The following CDH18 variants were observed in gnomAD, a reference collection of about 807,000 sequenced individuals.
The protein encoded by CDH18 is cadherin-18.
A neutral mutation model predicts 67.9 loss-of-function variants in CDH18; 31 were observed. The observed-to-expected ratio is 0.46, with a 90% confidence interval of 0.34 to 0.62. The LOEUF (loss-of-function observed/expected upper bound fraction) is 0.62, where lower values mean the gene tolerates loss of function less well. Ranked by LOEUF, CDH18 falls within the 20% of genes least tolerant of loss-of-function variation. The probability of loss-of-function intolerance (pLI) is 0.01; values close to 1 mark genes in which losing one functional copy is unlikely to be tolerated. For missense variants in CDH18, 890 were observed against 975.5 expected (o/e 0.91, Z 1.17); for synonymous variants, 362 against 347.2 (o/e 1.04, Z -0.48).
Position 19,950,031 on chromosome 5 carries a change from A to G in CDH18, c.-257+31029T>C, listed in dbSNP as rs1018006838. ...ATCTCACATTGGTATACTACTAAAT[A>G]TCACATTGAATAAATATGAGATATA... is the stretch of plus-strand genomic sequence containing the variant. On this transcript the variant is annotated intron_variant, in intron 2 of 12. Coordinates refer to ENST00000382275, the MANE Select transcript of CDH18 (RefSeq NM_004934.5). Among the ~76,000 whole-genome samples, 16 of 151,374 alleles carry G rather than the reference A, an allele frequency of 1.1e-4. No homozygotes were observed. The East Asian group carries it at 3.1e-3, about 29-fold the overall frequency.
chr5:20,500,019 C>A (rs770205259), intron 1 of CDH18, among the ~76,000 whole-genome samples: 2 of 152,020 alleles, frequency 1.3e-5, no homozygotes, highest in East Asian at 1.9e-4. Flanking sequence ...TGTCACAGAC[C>A]ATTGTAGATA....
At chr5:20,025,108 T>C (rs1738777958) in intron 2 of CDH18, among the ~76,000 whole-genome samples, 1 of 152,222 alleles carries the variant, frequency 6.6e-6, no homozygotes, top group African/African-American at 2.4e-5. Flanking sequence ...TCTGATCAGT[T>C]ATCTGACAAG....
In CDH18 at chr5:19,487,262, A is replaced by C. The variant is rs144694025; in HGVS notation, c.1631-3710T>G. ...ATAGATAGATTAGATAGACAAATAT[A>C]GACATATAGCCATAAGTCTACAGAG... On this transcript the variant is annotated intron_variant, in intron 11 of 12. Coordinates refer to ENST00000382275, the MANE Select transcript of CDH18 (RefSeq NM_004934.5). Among the ~76,000 whole-genome samples the C allele has an allele frequency of 8.0e-4, 122 of 152,342 alleles. 1 individual carries two copies. In the Middle Eastern group the frequency reaches 0.01, roughly 13 times the overall value.
rs1364179852 is a variant in CDH18, at chr5:19,994,734, TATATAGAGAGAGAG to T, written c.-517-2734_-517-2721del. ...ATATATATATATATATATATATATA[TATATAGAGAGAGAG>T]AGAGAGAGAGAGAGAGAGAGAGAGA... On this transcript the variant is annotated intron_variant, in intron 2 of 14. Coordinates refer to the CDH18 transcript ENST00000507958. Among the ~76,000 whole-genome samples the T allele has an allele frequency of 5.1e-3, 50 of 9,898 alleles. 1 individual carries two copies. Among genetic ancestry groups the T allele is most frequent in the Admixed American group, 0.02 (10 of 506 alleles). The allele number at this position is 9,898 out of a possible 152,430, so 6.5% of individuals were successfully genotyped here. A position where few individuals can be genotyped will look rare whatever the true frequency, so the allele number is the denominator to read the frequency against.
intron 2 of CDH18, among the ~76,000 whole-genome samples, chr5:20,011,837 T>G (rs1365942086): frequency 1.3e-5 from 2 of 152,064 alleles, no homozygotes; most frequent in African/African-American, 4.8e-5. Context: ...TGATGAGGGC[T>G]GGATTCGTAT....
chr5:20,112,928 A>G (rs930660488), intron 2 of CDH18, among the ~76,000 whole-genome samples: 1 of 152,324 alleles, frequency 6.6e-6, no homozygotes, highest in South Asian at 2.1e-4. Context: ...TTTCCCCAAC[A>G]CTGAGAACCT....
intron 3 of CDH18, among the ~76,000 whole-genome samples, chr5:19,752,645 A>AT (rs1405064961): frequency 1.3e-5 from 2 of 152,088 alleles, no homozygotes; most frequent in Non-Finnish European, 1.5e-5. Flanking sequence ...CTAGGGCCCC[A>AT]CCTGCCATGG....
intron 5 of CDH18, among the ~76,000 whole-genome samples, chr5:19,645,718 T>G (rs190482214): frequency 6.6e-6 from 1 of 152,118 alleles, no homozygotes; most frequent in Admixed American, 6.5e-5. Context: ...ACAAGAAAGA[T>G]GGATAAAATT....
intron 2 of CDH18, among the ~76,000 whole-genome samples, chr5:20,245,688 C>A (rs776362198): frequency 2.0e-5 from 3 of 151,962 alleles, no homozygotes; most frequent in Non-Finnish European, 4.4e-5. Flanking sequence ...AGTCAGTGCC[C>A]CCTATTAAAA....
intron 2 of CDH18, among the ~76,000 whole-genome samples, chr5:19,977,703 T>TA (rs1315063041): frequency 7.7e-6 from 1 of 130,194 alleles, no homozygotes; most frequent in Non-Finnish European, 1.8e-5. Flanking sequence ...TTTATTTTTT[T>TA]ATACCCTTGA....
chr5:19,715,664 T>C (rs886500208), intron 5 of CDH18, among the ~76,000 whole-genome samples: 2 of 152,190 alleles, frequency 1.3e-5, no homozygotes, highest in African/African-American at 4.8e-5. Context: ...AAGTTCATAA[T>C]GTATCTTATC....
At chr5:19,665,871 C>A (rs909744207) in intron 5 of CDH18, among the ~76,000 whole-genome samples, 4 of 151,150 alleles carry the variant, frequency 2.6e-5, no homozygotes, top group Non-Finnish European at 4.4e-5. Flanking sequence ...TAATACTGAG[C>A]AATGAGATAT....
intron 2 of CDH18, among the ~76,000 whole-genome samples, chr5:19,975,706 G>GT (rs1798435760): frequency 6.6e-6 from 1 of 152,022 alleles, no homozygotes; most frequent in African/African-American, 2.4e-5. Flanking sequence ...GAACAATCTG[G>GT]TTTTTCCATT....
At position 20,434,082 on chromosome 5, in the gene CDH18, A is replaced by T. The variant is rs1055725165; in HGVS notation, c.-580+141380T>A. 2.6e-5 allele frequency among the ~76,000 whole-genome samples: 4 copies of T among 152,064 alleles called. No individual in the cohort carries two copies. The East Asian group carries it at 7.7e-4, about 29-fold the overall frequency. On this transcript the variant is annotated intron_variant, in intron 1 of 14. Transcript: ENST00000507958. The stretch of plus-strand genomic sequence containing the variant: ...CTGGCATATTCCCAGTACCTAGAAT[A>T]GTGCCTTAGGCCTGCAAACCCCTCT...
At chr5:20,554,287 G>T (rs1171410475) in intron 1 of CDH18, among the ~76,000 whole-genome samples, 1 of 152,074 alleles carries the variant, frequency 6.6e-6, no homozygotes, top group Non-Finnish European at 1.5e-5. Context: ...TGACCCAAGG[G>T]TCATAATTTC....
intron 2 of CDH18, among the ~76,000 whole-genome samples, chr5:20,028,257 C>A (rs1365769054): frequency 2.0e-5 from 3 of 151,984 alleles, no homozygotes; most frequent in Non-Finnish European, 2.9e-5. Context: ...GAAAACAGTT[C>A]TTTCTCCTAT....
intron 2 of CDH18, among the ~76,000 whole-genome samples, chr5:20,230,593 T>C (rs1301179829): frequency 6.6e-6 from 1 of 152,158 alleles, no homozygotes. Flanking sequence ...TTTTAAAATT[T>C]TCTTACCCAT....
chr5:20,271,986 T>C (rs1444564637), intron 1 of CDH18, among the ~76,000 whole-genome samples: 1 of 152,008 alleles, frequency 6.6e-6, no homozygotes, highest in Non-Finnish European at 1.5e-5. Flanking sequence ...AGCTGCACTA[T>C]TTTTTCAACA....
chr5:19,560,493 C>T (rs917479736), intron 8 of CDH18, among the ~76,000 whole-genome samples: 4 of 151,952 alleles, frequency 2.6e-5, no homozygotes, highest in Non-Finnish European at 5.9e-5. Flanking sequence ...CATTTCTCAC[C>T]CTTATACAAA....
Sources: allele counts gnomAD v4.1 joint callset (sites outside exome capture counted in the v4.1 genomes callset), GRCh38; gene constraint gnomAD v4.1.1; transcripts MANE v1.5; gene names NCBI Gene and HGNC (gene_info 2026-07-23, HGNC 2026-07-21).